Variants in RAP1GAP2 observed in about 807,000 individuals in gnomAD.
The protein encoded by RAP1GAP2 is RAP1 GTPase activating protein 2, also known as rap1 GTPase-activating protein 2.
A neutral mutation model predicts 95.0 loss-of-function variants in RAP1GAP2; 27 were observed. The ratio of observed to expected loss-of-function variants is 0.28; its 90% CI spans 0.21 to 0.39. The LOEUF is 0.39. RAP1GAP2 is among the 10% of genes least tolerant of loss of function. The pLI is 1.00. For missense variants in RAP1GAP2, 771 were observed against 970.0 expected (o/e 0.79, Z 2.72); for synonymous variants, 373 against 380.9 (o/e 0.98, Z 0.24).
chr17:2,910,123 G>A (rs1435067797), intron 3 of RAP1GAP2, among the ~76,000 whole-genome samples: 1 of 152,214 alleles, frequency 6.6e-6, no homozygotes, highest in African/African-American at 2.4e-5. Context: ...GCTCCTGCTT[G>A]CAGGCTGTCC....
chr17:2,952,637 G>A (rs922436844), intron 3 of RAP1GAP2, among the ~76,000 whole-genome samples: 1 of 152,136 alleles, frequency 6.6e-6, no homozygotes, highest in Non-Finnish European at 1.5e-5. Flanking sequence ...CCAGCTATAT[G>A]TTCCTGCCAC....
At chr17:2,941,260 G>C (rs1336964293) in intron 3 of RAP1GAP2, among the ~76,000 whole-genome samples, 1 of 152,050 alleles carries the variant, frequency 6.6e-6, no homozygotes, top group East Asian at 1.9e-4. Flanking sequence ...AAATTAGCTG[G>C]GCATGGTGGC....
upstream of RAP1GAP2, among the ~76,000 whole-genome samples, chr17:2,796,093 G>A (rs568571091): frequency 6.6e-6 from 1 of 152,294 alleles, no homozygotes; most frequent in Admixed American, 6.5e-5. This position sits in a 1 kb window ranked among gnomAD's most constrained non-coding sequence, Gnocchi z 4.7. Flanking sequence ...TGGGTGTGAA[G>A]GTCCCCAGTG....
chr17:2,853,938 G>T (rs1316224408), intron 2 of RAP1GAP2: 1 of 982,486 alleles, frequency 1.0e-6, no homozygotes, highest in Non-Finnish European at 1.2e-6. Flanking sequence ...CGGAGCGCGC[G>T]GAGCCGGGGC....
At chr17:3,009,055 G>A (rs1229633954) in intron 17 of RAP1GAP2, among the ~76,000 whole-genome samples, 1 of 152,066 alleles carries the variant, frequency 6.6e-6, no homozygotes, top group Admixed American at 6.6e-5. Context: ...ATTATGTGTG[G>A]GACTTTATGG....
intron 11 of RAP1GAP2, among the ~76,000 whole-genome samples, chr17:2,989,715 T>C (rs909617838): frequency 2.0e-5 from 3 of 152,196 alleles, no homozygotes; most frequent in African/African-American, 7.2e-5. Context: ...ATAACAGCTT[T>C]ATTGAGCACA....
chr17:2,852,379 C>T (rs1459885643), intron 2 of RAP1GAP2, among the ~76,000 whole-genome samples: 1 of 152,100 alleles, frequency 6.6e-6, no homozygotes, highest in Non-Finnish European at 1.5e-5. Context: ...GTAACGGCTG[C>T]TTCATAAATA....
At chr17:2,908,232 G>T (rs568908479) in intron 3 of RAP1GAP2, among the ~76,000 whole-genome samples, 1 of 152,208 alleles carries the variant, frequency 6.6e-6, no homozygotes, top group Non-Finnish European at 1.5e-5. Flanking sequence ...AAGAGGAACC[G>T]GAGGGAGATC....
At chr17:2,833,554 T>G (rs143122273) in intron 2 of RAP1GAP2, among the ~76,000 whole-genome samples, 5,129 of 151,674 alleles carry the variant, frequency 0.034, 251 homozygotes, top group African/African-American at 0.1. Flanking sequence ...GCCGGGTGTG[T>G]TGGCGGGCGC....
At chr17:2,962,997 G>T in intron 5 of RAP1GAP2, 1 of 546,844 alleles carries the variant, frequency 1.8e-6, no homozygotes, top group Non-Finnish European at 3.2e-6. Flanking sequence ...CCTACCCTGT[G>T]CAGTGTGTAA....
intron 3 of RAP1GAP2, among the ~76,000 whole-genome samples, chr17:2,942,554 G>C (rs2043537084): frequency 6.6e-6 from 1 of 152,126 alleles, no homozygotes; most frequent in Non-Finnish European, 1.5e-5. Flanking sequence ...CTGCTGGACA[G>C]CTTAGTGAGA....
chr17:3,031,079 TCAGACATCC>T, intron 23 of RAP1GAP2, 81 bp downstream of exon 23: 1 of 1,412,276 alleles, frequency 7.1e-7, no homozygotes, highest in Non-Finnish European at 9.7e-7. Flanking sequence ...GGAAGAGGGT[TCAGACATCC>T]CAGAGGGGGC....
intron 2 of RAP1GAP2, among the ~76,000 whole-genome samples, chr17:2,858,464 C>CAT (rs2072238949): frequency 6.6e-6 from 1 of 152,174 alleles, no homozygotes; most frequent in Non-Finnish European, 1.5e-5. Flanking sequence ...AATAGGGTAA[C>CAT]ATAATACCTA....
At chr17:2,909,461 T>C (rs1003220732) in intron 3 of RAP1GAP2, among the ~76,000 whole-genome samples, 2 of 151,680 alleles carry the variant, frequency 1.3e-5, no homozygotes, top group Admixed American at 1.3e-4. Context: ...GTGGGGAGCC[T>C]GGAGTGTGAG....
chr17:2,848,885 G>A (rs1009246222), intron 2 of RAP1GAP2, among the ~76,000 whole-genome samples: 6 of 152,042 alleles, frequency 3.9e-5, no homozygotes, highest in Non-Finnish European at 7.4e-5. Flanking sequence ...TTCCCCCGAC[G>A]CCTTCCTGCC....
intron 11 of RAP1GAP2, among the ~76,000 whole-genome samples, chr17:2,988,393 C>T (rs534844075): frequency 3.3e-5 from 5 of 152,266 alleles, no homozygotes; most frequent in South Asian, 4.1e-4. Flanking sequence ...AGCTCCAGTC[C>T]GTAACCCCTG....
rs1180130801 is a variant in RAP1GAP2, at chr17:2,866,378, C to G, written c.81-38906C>G. On this transcript the variant is annotated intron_variant, in intron 2 of 24. Coordinates refer to ENST00000254695, the MANE Select transcript of RAP1GAP2 (RefSeq NM_015085.5). The surrounding 1 kb of genome is among the most constrained non-coding windows in gnomAD (Gnocchi z 4.0). ...GAAGGGCAGGTCAGGCTGTGGGAGG[C>G]TTCCCTGCTCCCCGCCTCCCCTAGA... Among the ~76,000 whole-genome samples, 1 of 152,210 alleles carries G rather than the reference C, an allele frequency of 6.6e-6. No individual in the cohort carries two copies. Among genetic ancestry groups the G allele is most frequent in the Non-Finnish European group, 1.5e-5 (1 of 68,034 alleles).
rs2043732015 is a variant in RAP1GAP2, at chr17:2,947,262, G to A, written c.166-10497G>A. 2.0e-5 allele frequency among the ~76,000 whole-genome samples: 3 copies of A among 151,968 alleles called. No homozygotes were observed. The South Asian group carries it at 6.2e-4, about 32-fold the overall frequency. On this transcript the variant is annotated intron_variant, in intron 3 of 24. Coordinates refer to ENST00000254695, the MANE Select transcript of RAP1GAP2 (RefSeq NM_015085.5). ...AGAGGAGCAAGCAGGTGGCTTGGCG[G>A]GGGTGGTGGGGGGAGACTTGGTTGG...
intron 3 of RAP1GAP2, among the ~76,000 whole-genome samples, chr17:2,955,159 A>T (rs2044064645): frequency 2.0e-5 from 3 of 152,002 alleles, no homozygotes; most frequent in Admixed American, 2.0e-4. Context: ...CGAATTGCTG[A>T]GTTGTGTGGT....
Sources: allele counts gnomAD v4.1 joint callset (sites outside exome capture counted in the v4.1 genomes callset), GRCh38; gene constraint gnomAD v4.1.1; non-coding constraint Gnocchi (gnomAD v3.1); transcripts MANE v1.5; gene names NCBI Gene and HGNC (gene_info 2026-07-23, HGNC 2026-07-21).